The following ZNF385D variants were observed in gnomAD, a reference collection of about 807,000 sequenced individuals.
The protein encoded by ZNF385D is zinc finger protein 385D.
Under a neutral mutation model 35.8 loss-of-function variants are expected in ZNF385D, and 15 were observed. The observed-to-expected ratio is 0.42, with a 90% CI of 0.28 to 0.64. The LOEUF is 0.64. ZNF385D is among the 30% of genes least tolerant of loss of function. The pLI, the probability that ZNF385D is intolerant of heterozygous loss-of-function variation, is 0.23. For missense variants in ZNF385D, 474 were observed against 494.6 expected (o/e 0.96, Z 0.39); for synonymous variants, 212 against 186.8 (o/e 1.13, Z -1.10).
At chr3:22,262,058 T>A (rs1313380108) in intron 2 of ZNF385D, among the ~76,000 whole-genome samples, 2 of 152,038 alleles carry the variant, frequency 1.3e-5, no homozygotes, top group Non-Finnish European at 2.9e-5. Flanking sequence ...TAAATAATTT[T>A]AAAATAATAT....
chr3:22,286,251 T>C (rs2638148), intron 2 of ZNF385D, among the ~76,000 whole-genome samples: 87,331 of 152,056 alleles, frequency 0.57, 27,442 homozygotes, highest in African/African-American at 0.85. Flanking sequence ...TTGTGTGATG[T>C]ACTAATATCC....
chr3:21,784,233 T>C (rs2071601212), intron 3 of ZNF385D, among the ~76,000 whole-genome samples: 1 of 152,196 alleles, frequency 6.6e-6, no homozygotes, highest in South Asian at 2.1e-4. Context: ...TAAAGCAAAC[T>C]ATAATTGGCC....
rs115823244 is a variant in ZNF385D, at chr3:21,535,997, C to T, written c.277-24974G>A. Reference sequence around the variant, plus strand: ...TATCCTGGATTCCCCACAATCATAACAAGAAGATGGAGCTGGATCTATTAT... The same window carrying T: ...TATCCTGGATTCCCCACAATCATAATAAGAAGATGGAGCTGGATCTATTAT... On this transcript the variant is annotated intron_variant, in intron 3 of 7. Coordinates refer to ENST00000281523, the MANE Select transcript of ZNF385D (RefSeq NM_024697.3). Among the ~76,000 whole-genome samples, 313 of 119,028 alleles carry T rather than the reference C, an allele frequency of 2.6e-3. 2 individuals carry two copies. Among genetic ancestry groups the T allele is most frequent in the African/African-American group, 7.9e-3 (258 of 32,518 alleles). The allele number at this position is 119,028 out of a possible 152,430, so 78.1% of individuals were successfully genotyped here.
chr3:21,775,052 A>AC (rs1431830176), intron 3 of ZNF385D, among the ~76,000 whole-genome samples: 1 of 151,858 alleles, frequency 6.6e-6, no homozygotes, highest in Non-Finnish European at 1.5e-5. Flanking sequence ...AAATGACATA[A>AC]CCTGAGAAGA....
At chr3:21,603,441 T>A (rs1349948850) in intron 2 of ZNF385D, among the ~76,000 whole-genome samples, 1 of 152,204 alleles carries the variant, frequency 6.6e-6, no homozygotes, top group African/African-American at 2.4e-5. Flanking sequence ...CTTAATAGTT[T>A]TTGTAAGAGT....
chr3:22,314,005 CCTT>C (rs544637844), intron 2 of ZNF385D, among the ~76,000 whole-genome samples: 8 of 152,236 alleles, frequency 5.3e-5, no homozygotes, highest in African/African-American at 1.9e-4. Context: ...AGATTCCAGT[CCTT>C]CTGGAAATGG....
intron 2 of ZNF385D, among the ~76,000 whole-genome samples, chr3:22,297,160 G>T (rs1256949338): frequency 2.6e-5 from 4 of 152,044 alleles, no homozygotes; most frequent in Non-Finnish European, 4.4e-5. Flanking sequence ...ACTAGAATAT[G>T]GTGGTACAGA....
chr3:21,804,792 C>G (rs2072561932), intron 3 of ZNF385D, among the ~76,000 whole-genome samples: 1 of 152,056 alleles, frequency 6.6e-6, no homozygotes, highest in Non-Finnish European at 1.5e-5. Context: ...TGTTCAAGAT[C>G]ACAAATAATG....
At chr3:22,313,268 A>T (rs1267601966) in intron 2 of ZNF385D, among the ~76,000 whole-genome samples, 1 of 119,152 alleles carries the variant, frequency 8.4e-6, no homozygotes. Flanking sequence ...GGGAGGGGGG[A>T]GGGATAGCAT....
chr3:21,687,799 G>A (rs1258096866), intron 1 of ZNF385D, among the ~76,000 whole-genome samples: 1 of 152,124 alleles, frequency 6.6e-6, no homozygotes, highest in African/African-American at 2.4e-5. Context: ...ATTCACCAGT[G>A]ATGATCATGT....
chr3:21,963,250 C>T (rs1702697988), intron 3 of ZNF385D, among the ~76,000 whole-genome samples: 1 of 151,736 alleles, frequency 6.6e-6, no homozygotes, highest in Non-Finnish European at 1.5e-5. Flanking sequence ...AGGTCACTGT[C>T]ATCTTTCATT....
intron 4 of ZNF385D, among the ~76,000 whole-genome samples, chr3:21,475,349 C>A (rs921223220): frequency 1.3e-4 from 20 of 152,034 alleles, no homozygotes; most frequent in South Asian, 4.1e-4. Flanking sequence ...AGCAGTGAAC[C>A]TTCTGTCTGT....
chr3:22,337,230 C>T (rs1322141043), intron 2 of ZNF385D, among the ~76,000 whole-genome samples: 3 of 151,774 alleles, frequency 2.0e-5, no homozygotes, highest in Admixed American at 6.6e-5. Context: ...TTCATCAAAA[C>T]AAATGCAGTT....
At chr3:21,476,905 C>T (rs916701296) in intron 4 of ZNF385D, among the ~76,000 whole-genome samples, 4 of 151,794 alleles carry the variant, frequency 2.6e-5, no homozygotes, top group African/African-American at 9.7e-5. Flanking sequence ...TATCCATACC[C>T]CTCTCTGTGT....
intron 3 of ZNF385D, among the ~76,000 whole-genome samples, chr3:21,801,321 G>C (rs926368635): frequency 3.9e-5 from 6 of 152,200 alleles, no homozygotes; most frequent in Non-Finnish European, 8.8e-5. Context: ...TGATATCAGG[G>C]TAATACTGGA....
At chr3:21,476,681 T>G (rs1378374828) in intron 4 of ZNF385D, among the ~76,000 whole-genome samples, 1 of 152,096 alleles carries the variant, frequency 6.6e-6, no homozygotes, top group Non-Finnish European at 1.5e-5. Context: ...TTTTTAAAAT[T>G]TAAAAACTTA....
chr3:21,506,896 AT>A (rs1294132527), intron 4 of ZNF385D, among the ~76,000 whole-genome samples: 2 of 152,106 alleles, frequency 1.3e-5, no homozygotes, highest in African/African-American at 4.8e-5. Flanking sequence ...CATTCTTTCT[AT>A]GAATAGTCAG....
chr3:21,896,434 C>T (rs1699141906), intron 3 of ZNF385D, among the ~76,000 whole-genome samples: 1 of 152,228 alleles, frequency 6.6e-6, no homozygotes, highest in Middle Eastern at 3.4e-3. Flanking sequence ...CACTAAGGCA[C>T]ATATATGTGA....
intron 2 of ZNF385D, among the ~76,000 whole-genome samples, chr3:22,227,293 G>C (rs575257849): frequency 1.3e-4 from 20 of 152,064 alleles, no homozygotes; most frequent in Middle Eastern, 3.4e-3. Context: ...TCATAAGCAG[G>C]CCTCAGAAAA....
Sources: gnomAD v4.1 joint callset for allele counts (sites outside exome capture counted in the v4.1 genomes callset) on GRCh38, gnomAD v4.1.1 for gene constraint, MANE v1.5 for transcripts, NCBI Gene and HGNC (gene_info 2026-07-23, HGNC 2026-07-21) for gene names.